The following ZFHX3 variants were observed in gnomAD, a reference collection of about 807,000 sequenced individuals.
The protein encoded by ZFHX3 is zinc finger homeobox 3.
In ZFHX3, 42 loss-of-function variants were observed where a neutral mutation model predicts 279.1. The ratio of observed to expected loss-of-function variants is 0.15; its 90% CI spans 0.12 to 0.19. The LOEUF (loss-of-function observed/expected upper bound fraction) is 0.19. Ranked by LOEUF, ZFHX3 falls within the 10% of genes least tolerant of loss-of-function variation. The probability of loss-of-function intolerance (pLI) is 1.00; values close to 1 mark genes in which losing one functional copy is unlikely to be tolerated. For missense variants in ZFHX3, 4,981 were observed against 4,754.0 expected (o/e 1.05, Z -1.40); for synonymous variants, 2,293 against 1,957.8 (o/e 1.17, Z -4.52).
At chr16:72,940,759 C>G (rs1422723951) in intron 3 of ZFHX3, among the ~76,000 whole-genome samples, 1 of 152,244 alleles carries the variant, frequency 6.6e-6, no homozygotes, top group Non-Finnish European at 1.5e-5. Flanking sequence ...GGCTCTCATC[C>G]TGAGTCCGGG....
At chr16:73,777,950 C>G (rs1959313657) in intron 1 of ZFHX3, among the ~76,000 whole-genome samples, 1 of 151,932 alleles carries the variant, frequency 6.6e-6, no homozygotes, top group Non-Finnish European at 1.5e-5. Flanking sequence ...AGCTGACTTC[C>G]CAGAAACTCA....
intron 4 of ZFHX3, among the ~76,000 whole-genome samples, chr16:72,861,826 C>T (rs1002229013): frequency 6.6e-6 from 1 of 152,094 alleles, no homozygotes; most frequent in South Asian, 2.1e-4. Flanking sequence ...ACCAGTCTGG[C>T]CAACAAGGTG....
chr16:73,163,889 T>G (rs1967299886), intron 5 of ZFHX3, among the ~76,000 whole-genome samples: 1 of 152,236 alleles, frequency 6.6e-6, no homozygotes, highest in Non-Finnish European at 1.5e-5. Flanking sequence ...TGTTTAATAA[T>G]AACATTATAT....
At chr16:72,917,507 G>A (rs1177703723) in intron 3 of ZFHX3, among the ~76,000 whole-genome samples, 3 of 152,090 alleles carry the variant, frequency 2.0e-5, no homozygotes, top group Non-Finnish European at 2.9e-5. Context: ...ACTATCAAAC[G>A]CCCAGTAACT....
intron 3 of ZFHX3, among the ~76,000 whole-genome samples, chr16:73,435,048 T>A (rs1225317979): frequency 6.6e-6 from 1 of 152,162 alleles, no homozygotes; most frequent in Admixed American, 6.5e-5. Context: ...TGTGGAATCA[T>A]CCTCATTATT....
intron 1 of ZFHX3, chr16:73,815,935 A>T (rs906713015): frequency 1.3e-5 from 2 of 152,200 alleles, no homozygotes. Context: ...TGAAGATGAC[A>T]TCATCAGGAG....
At chr16:73,890,210 C>A (rs1221872135) in intron 1 of ZFHX3, among the ~76,000 whole-genome samples, 1 of 140,140 alleles carries the variant, frequency 7.1e-6, no homozygotes, top group Non-Finnish European at 1.5e-5. Context: ...ATTTTTTCTT[C>A]TTGTAATTGT....
At chr16:73,156,993 T>G (rs890164963) in intron 5 of ZFHX3, among the ~76,000 whole-genome samples, 8 of 152,196 alleles carry the variant, frequency 5.3e-5, no homozygotes, top group Non-Finnish European at 8.8e-5. Flanking sequence ...ATTGCAGGCG[T>G]GAGCCACCGT....
rs1473971284 is a variant in ZFHX3, at chr16:72,959,294, A to G, written c.852T>C (p.Cys284=). ...LYGKRKPILM[C]FLCKLSFGYV... is the part of the protein sequence containing the mutation. The stretch of plus-strand genomic sequence containing the variant: ...ACCCAAAGGAGAGTTTGCACAAGAA[A>G]CACATCAGGATGGGCTTCCTCTTGC... Residue 284 remains cysteine (C), a synonymous_variant, in exon 2 of 10, where the codon TGT becomes TGC. Transcript: ENST00000268489. 5 of 1,614,224 alleles carry G rather than the reference A, an allele frequency of 3.1e-6. No individual in the cohort carries two copies. In the South Asian group the frequency reaches 5.5e-5, roughly 18 times the overall value.
At chr16:73,746,966 A>C (rs889146561) in intron 1 of ZFHX3, among the ~76,000 whole-genome samples, 5 of 152,192 alleles carry the variant, frequency 3.3e-5, no homozygotes, top group Non-Finnish European at 7.3e-5. Context: ...ATTTTTTATC[A>C]ATCTTTTTTA....
chr16:73,131,033 T>C (rs1966670257), exon 7 of ZFHX3: 1 of 1,295,462 alleles, frequency 7.7e-7, no homozygotes, highest in Non-Finnish European at 1.0e-6. Context: ...CCCCCTGGGC[T>C]CCAATCCAGG....
chr16:73,066,699 GGA>G (rs1965758378), intron 8 of ZFHX3, among the ~76,000 whole-genome samples: 1 of 152,208 alleles, frequency 6.6e-6, no homozygotes, highest in African/African-American at 2.4e-5. Context: ...GGTCTGGAAA[GGA>G]GAGGGCGCGG....
intron 5 of ZFHX3, among the ~76,000 whole-genome samples, chr16:73,190,718 TATC>T (rs1968013192): frequency 6.6e-6 from 1 of 152,208 alleles, no homozygotes; most frequent in South Asian, 2.1e-4. Flanking sequence ...CCAGCACTGA[TATC>T]ATGCTTTGAA....
At chr16:72,952,333 C>G (rs1961038403) in intron 2 of ZFHX3, among the ~76,000 whole-genome samples, 1 of 152,228 alleles carries the variant, frequency 6.6e-6, no homozygotes. Context: ...GTCAATGCTG[C>G]CAACCCTCCC....
chr16:73,613,726 G>A (rs189941417), intron 2 of ZFHX3, among the ~76,000 whole-genome samples: 57 of 152,302 alleles, frequency 3.7e-4, no homozygotes, highest in African/African-American at 1.3e-3. Flanking sequence ...TGGAGATTGT[G>A]TGCCCCGTTT....
chr16:73,016,956 T>C (rs1244158880), intron 1 of ZFHX3, among the ~76,000 whole-genome samples: 1 of 150,990 alleles, frequency 6.6e-6, no homozygotes, highest in Non-Finnish European at 1.5e-5. Context: ...CTGGGCGCAG[T>C]GGTTCATGCC....
chr16:72,958,908 G>C lies in ZFHX3; in HGVS notation c.1238C>G (p.Thr413Ser). 6.2e-7 allele frequency: 1 copy of C among 1,606,446 alleles called. No homozygotes were observed. The highest frequency in any genetic ancestry group is 8.5e-7 in the Non-Finnish European group (1 of 1,176,108). Residue 413 changes from threonine to serine, a missense_variant, in exon 2 of 10, where the codon ACC (threonine) becomes AGC (serine). Physicochemically the swap from Thr to Ser is moderately conservative, Grantham distance 58. This residue lies in a region of ZFHX3 where 1,068 missense variants were observed against 935.2 expected (regional missense o/e 1.14). Coordinates refer to ENST00000268489, the MANE Select transcript of ZFHX3 (RefSeq NM_006885.4). ...LGGLTSSVLK[T>S]PITSVPLGPL... ...CCCCAGGGGGACTGAGGTAATGGGG[G>C]TCTTCAGTACCGAGCTGGTGAGCCC... is the stretch of plus-strand genomic sequence containing the variant.
intron 3 of ZFHX3, among the ~76,000 whole-genome samples, chr16:73,385,786 C>T (rs961928852): frequency 6.6e-6 from 1 of 152,180 alleles, no homozygotes; most frequent in African/African-American, 2.4e-5. Flanking sequence ...GGATGGCTTG[C>T]TGCCTGGGAT....
chr16:73,475,388 A>G (rs2018747995), intron 2 of ZFHX3, among the ~76,000 whole-genome samples: 1 of 152,194 alleles, frequency 6.6e-6, no homozygotes, highest in Non-Finnish European at 1.5e-5. Context: ...TCTTATTTGA[A>G]TGCTAAACAA....
Sources: allele counts gnomAD v4.1 joint callset (sites outside exome capture counted in the v4.1 genomes callset), GRCh38; gene constraint gnomAD v4.1.1; regional missense constraint gnomAD v4.1.1; transcripts MANE v1.5; gene names NCBI Gene and HGNC (gene_info 2026-07-23, HGNC 2026-07-21).